ZFYVE9: variants seen among roughly 807,000 people sequenced by gnomAD.
ZFYVE9 encodes the protein zinc finger FYVE domain-containing protein 9.
Under a neutral mutation model 126.7 loss-of-function variants are expected in ZFYVE9, and 43 were observed. That is an observed-to-expected ratio of 0.34 (90% CI 0.27 to 0.44). The LOEUF is 0.44. Among genes scored for constraint, ZFYVE9 ranks in the 20% least tolerant of loss-of-function variants. ZFYVE9 has a pLI of 1.00. For missense variants in ZFYVE9, 1,476 were observed against 1,697.0 expected (o/e 0.87, Z 2.29); for synonymous variants, 521 against 597.4 (o/e 0.87, Z 1.87).
At chr1:52,303,033 C>G (rs1646050393) in intron 12 of ZFYVE9, among the ~76,000 whole-genome samples, 1 of 152,072 alleles carries the variant, frequency 6.6e-6, no homozygotes. Context: ...TCGCTTGAAC[C>G]CTGGAGGCGG....
intron 1 of ZFYVE9, among the ~76,000 whole-genome samples, chr1:52,188,491 T>A (rs910126159): frequency 1.3e-5 from 2 of 152,188 alleles, no homozygotes; most frequent in Non-Finnish European, 2.9e-5. Context: ...AGTTAAAAAA[T>A]TTTTAAAATA....
intron 18 of ZFYVE9, among the ~76,000 whole-genome samples, chr1:52,345,546 C>CCTAT (rs1646475683): frequency 6.6e-6 from 1 of 152,162 alleles, no homozygotes; most frequent in Admixed American, 6.5e-5. Context: ...GTATTCTGGT[C>CCTAT]CTATCTCACA....
chr1:52,186,251 A>C (rs1644764439), intron 1 of ZFYVE9, among the ~76,000 whole-genome samples: 1 of 149,448 alleles, frequency 6.7e-6, no homozygotes. Flanking sequence ...AAAAAAAAAA[A>C]ACAAAACAAA....
chr1:52,242,577 A>C (rs1292361630), intron 4 of ZFYVE9, among the ~76,000 whole-genome samples: 1 of 152,056 alleles, frequency 6.6e-6, no homozygotes, highest in African/African-American at 2.4e-5. Context: ...TTCAATCTTT[A>C]GATGATGGTA....
chr1:52,256,225 C>T (rs1033665333), intron 4 of ZFYVE9, among the ~76,000 whole-genome samples: 5 of 151,684 alleles, frequency 3.3e-5, no homozygotes, highest in African/African-American at 7.3e-5. Context: ...GCCACCACCA[C>T]GCCTAGCTAA....
intron 3 of ZFYVE9, among the ~76,000 whole-genome samples, chr1:52,236,084 T>C (rs1645270954): frequency 6.6e-6 from 1 of 152,208 alleles, no homozygotes; most frequent in South Asian, 2.1e-4. Flanking sequence ...GAGGACTTAC[T>C]GTACCTATGC....
At chr1:52,212,137 A>G (rs753561717) in intron 1 of ZFYVE9, among the ~76,000 whole-genome samples, 17 of 151,964 alleles carry the variant, frequency 1.1e-4, no homozygotes, top group Non-Finnish European at 2.4e-4. Context: ...AAAGTAAAAC[A>G]TTTATTTTTA....
intron 1 of ZFYVE9, among the ~76,000 whole-genome samples, chr1:52,148,537 T>C (rs1306750033): frequency 2.0e-5 from 3 of 152,082 alleles, no homozygotes; most frequent in Non-Finnish European, 2.9e-5. Flanking sequence ...TAGTAAACAG[T>C]GAACTCTGGT....
chr1:52,300,418 C>T (rs529145891), intron 12 of ZFYVE9, among the ~76,000 whole-genome samples: 4 of 151,900 alleles, frequency 2.6e-5, no homozygotes, highest in Admixed American at 6.6e-5. Context: ...GGTGTAACCC[C>T]GTCTCTACTA....
At chr1:52,326,631 CTA>C (rs1192859995) in intron 13 of ZFYVE9, among the ~76,000 whole-genome samples, 4 of 142,994 alleles carry the variant, frequency 2.8e-5, no homozygotes, top group African/African-American at 2.6e-5. Context: ...GGTGGATCAC[CTA>C]AGGTCAGGAG....
intron 16 of ZFYVE9, 94 bp downstream of exon 16, chr1:52,338,028 T>C: frequency 7.1e-7 from 1 of 1,402,710 alleles, no homozygotes; most frequent in Non-Finnish European, 9.5e-7. Flanking sequence ...ATAGTTTTAC[T>C]GAAAGCCCTG....
chr1:52,272,671 A>ACCTTTTTTTTTTTTTTTTTTT (rs1162973754), intron 7 of ZFYVE9, among the ~76,000 whole-genome samples: 3 of 134,848 alleles, frequency 2.2e-5, no homozygotes, highest in Admixed American at 7.1e-5. Flanking sequence ...GCTAGAAATA[A>ACCTTTTTTTTTTTTTTTTTTT]TCTTTTTTTT....
At chr1:52,163,361 A>G (rs1394555043) in intron 1 of ZFYVE9, among the ~76,000 whole-genome samples, 1 of 152,240 alleles carries the variant, frequency 6.6e-6, no homozygotes, top group Non-Finnish European at 1.5e-5. Flanking sequence ...ATATGAGACA[A>G]GTCTTGGCTC....
chr1:52,298,783 T>C (rs1362300878), intron 12 of ZFYVE9, among the ~76,000 whole-genome samples: 1 of 151,412 alleles, frequency 6.6e-6, no homozygotes, highest in African/African-American at 2.4e-5. Flanking sequence ...TCCATGAACA[T>C]GGAATCAGTT....
At position 52,233,293 on chromosome 1, in the gene ZFYVE9, G is replaced by C. The variant is rs761780637; in HGVS notation, c.70+17G>C. On this transcript the variant is annotated intron_variant, in intron 3 of 18. Transcript: ENST00000287727. ...AAAACGAAGGTGAGAATTTATATTG[G>C]TGAATCTGTTTGCCTATGTGGTATA... 10 of 1,559,848 alleles carry C rather than the reference G, an allele frequency of 6.4e-6. No homozygotes were observed. In the South Asian group the frequency reaches 9.9e-5, roughly 15 times the overall value.
At chr1:52,280,770 T>A (rs1430527062) in intron 9 of ZFYVE9, among the ~76,000 whole-genome samples, 1 of 152,164 alleles carries the variant, frequency 6.6e-6, no homozygotes, top group Non-Finnish European at 1.5e-5. Context: ...TTATCTAGAA[T>A]TTTTTCCTGG....
intron 4 of ZFYVE9, among the ~76,000 whole-genome samples, chr1:52,256,042 T>TC (rs1645514839): frequency 7.3e-5 from 4 of 54,770 alleles, no homozygotes; most frequent in African/African-American, 5.5e-4. Flanking sequence ...TCTTTCTTTC[T>TC]TTCTCTCTCT....
intron 14 of ZFYVE9, among the ~76,000 whole-genome samples, chr1:52,333,948 C>T (rs574528501): frequency 1.1e-4 from 16 of 152,140 alleles, no homozygotes; most frequent in East Asian, 5.8e-4. Flanking sequence ...AAAAAGTTAG[C>T]GGGGCATGCT....
chr1:52,342,313 G>A (rs1190896769), intron 17 of ZFYVE9, among the ~76,000 whole-genome samples: 2 of 143,432 alleles, frequency 1.4e-5, no homozygotes, highest in African/African-American at 2.5e-5. Context: ...TCGCCCAGAC[G>A]GCAGTGCAGT....
Sources: gnomAD v4.1 joint callset for allele counts (sites outside exome capture counted in the v4.1 genomes callset) on GRCh38, gnomAD v4.1.1 for gene constraint, MANE v1.5 for transcripts, NCBI Gene and HGNC (gene_info 2026-07-23, HGNC 2026-07-21) for gene names.